KCND2: variants seen among roughly 807,000 people sequenced by gnomAD.
KCND2 encodes A-type voltage-gated potassium channel KCND2.
A neutral mutation model predicts 54.4 loss-of-function variants in KCND2; 16 were observed. That is an observed-to-expected ratio of 0.29 (90% CI 0.20 to 0.45). The LOEUF (loss-of-function observed/expected upper bound fraction) is 0.45. Ranked by LOEUF, KCND2 falls within the 20% of genes least tolerant of loss-of-function variation. KCND2 has a pLI of 1.00. For missense variants in KCND2, 486 were observed against 824.2 expected, an observed-to-expected ratio of 0.59 and a Z score of 5.02; for synonymous variants, 317 against 310.7, an observed-to-expected ratio of 1.02 and a Z score of -0.21.
At chr7:120,642,637 AG>A (rs1793392578) in intron 1 of KCND2, among the ~76,000 whole-genome samples, 1 of 151,546 alleles carries the variant, frequency 6.6e-6, no homozygotes, top group African/African-American at 2.4e-5. Context: ...GATAGTTTAA[AG>A]GGTTTTTTTT....
chr7:120,691,422 T>C (rs1157260112), intron 1 of KCND2, among the ~76,000 whole-genome samples: 1 of 152,118 alleles, frequency 6.6e-6, no homozygotes, highest in Non-Finnish European at 1.5e-5. Context: ...AGTAAATATA[T>C]TTCAGATATT....
At chr7:120,532,712 T>C (rs185095366) in intron 1 of KCND2, among the ~76,000 whole-genome samples, 1 of 151,500 alleles carries the variant, frequency 6.6e-6, no homozygotes, top group Non-Finnish European at 1.5e-5. Context: ...CAAGAAGAAA[T>C]CAATCAGTTA....
intron 1 of KCND2, among the ~76,000 whole-genome samples, chr7:120,722,137 AAACAGACT>A (rs1792674487): frequency 6.6e-6 from 1 of 152,154 alleles, no homozygotes; most frequent in East Asian, 1.9e-4. Flanking sequence ...AGCAGCATAA[AAACAGACT>A]AATATACAAG....
At chr7:120,646,737 A>T (rs1333978958) in intron 1 of KCND2, among the ~76,000 whole-genome samples, 1 of 152,246 alleles carries the variant, frequency 6.6e-6, no homozygotes, top group Non-Finnish European at 1.5e-5. Flanking sequence ...AAAATAATGA[A>T]ATAGTTTTGT....
chr7:120,682,960 A>T (rs1792158590), intron 1 of KCND2, among the ~76,000 whole-genome samples: 1 of 152,140 alleles, frequency 6.6e-6, no homozygotes, highest in South Asian at 2.1e-4. Flanking sequence ...CAACTTGCAA[A>T]GAATAAAGGT....
At chr7:120,597,178 T>C (rs938265948) in intron 1 of KCND2, among the ~76,000 whole-genome samples, 1 of 152,072 alleles carries the variant, frequency 6.6e-6, no homozygotes, top group Admixed American at 6.6e-5. Flanking sequence ...CCTGGTGGAA[T>C]TGGAAATGAA....
intron 1 of KCND2, among the ~76,000 whole-genome samples, chr7:120,289,956 A>G (rs1799409839): frequency 6.6e-6 from 1 of 151,938 alleles, no homozygotes; most frequent in African/African-American, 2.4e-5. Flanking sequence ...GTTTTTGCTT[A>G]TTTGTAGTAT....
intron 1 of KCND2, among the ~76,000 whole-genome samples, chr7:120,558,578 A>G (rs1299756375): frequency 6.6e-6 from 1 of 152,118 alleles, no homozygotes; most frequent in Non-Finnish European, 1.5e-5. Context: ...TGAACAACTA[A>G]TTAGCCACAA....
chr7:120,567,513 G>A (rs1397957645), intron 1 of KCND2, among the ~76,000 whole-genome samples: 1 of 152,090 alleles, frequency 6.6e-6, no homozygotes, highest in African/African-American at 2.4e-5. Context: ...ATTTCAAAGG[G>A]CAATGTGGTA....
chr7:120,358,127 A>G (rs2116395887), intron 1 of KCND2, among the ~76,000 whole-genome samples: 1 of 152,270 alleles, frequency 6.6e-6, no homozygotes, highest in South Asian at 2.1e-4. Flanking sequence ...GTGTGAAAAA[A>G]CTGACACAGA....
intron 1 of KCND2, among the ~76,000 whole-genome samples, chr7:120,641,632 G>A (rs1350565774): frequency 1.3e-5 from 2 of 152,058 alleles, no homozygotes; most frequent in Non-Finnish European, 2.9e-5. Flanking sequence ...TAATATCCAT[G>A]CAATGACATG....
At chr7:120,701,625 A>G (rs1461123227) in intron 1 of KCND2, among the ~76,000 whole-genome samples, 1 of 152,156 alleles carries the variant, frequency 6.6e-6, no homozygotes, top group Non-Finnish European at 1.5e-5. Flanking sequence ...ATGAAACAGA[A>G]TGGAGAGCCC....
In KCND2 at chr7:120,274,563, T is replaced by A; in HGVS notation, c.-70T>A. 1.3e-6 allele frequency: 2 copies of A among 1,584,484 alleles called. No homozygotes were observed. The highest frequency in any genetic ancestry group is 1.7e-6 in the Non-Finnish European group (2 of 1,153,768). The stretch of plus-strand genomic sequence containing the variant: ...ACTTTGCTTGACTGGAGGAAGTGGG[T>A]GACTTTTGGCTGCTTCGGTGACCCA... On this transcript the variant is annotated 5_prime_UTR_variant, in exon 1 of 6. Transcript: ENST00000331113.
chr7:120,535,261 G>A (rs944986741), intron 1 of KCND2, among the ~76,000 whole-genome samples: 12 of 151,986 alleles, frequency 7.9e-5, no homozygotes, highest in Non-Finnish European at 1.5e-4. Flanking sequence ...GCTTCAGAAC[G>A]TAAGTTTATT....
intron 1 of KCND2, among the ~76,000 whole-genome samples, chr7:120,347,169 G>A (rs1464499085): frequency 6.6e-6 from 1 of 152,024 alleles, no homozygotes; most frequent in Non-Finnish European, 1.5e-5. Flanking sequence ...TTACTTTTGT[G>A]ATCTGTATGG....
chr7:120,281,731 A>G (rs528933043), intron 1 of KCND2, among the ~76,000 whole-genome samples: 2 of 152,278 alleles, frequency 1.3e-5, no homozygotes, highest in African/African-American at 4.8e-5. Flanking sequence ...CGGTGCTCAA[A>G]TGTAGGAAAA....
At chr7:120,681,040 G>T (rs888855823) in intron 1 of KCND2, among the ~76,000 whole-genome samples, 9 of 152,000 alleles carry the variant, frequency 5.9e-5, no homozygotes, top group African/African-American at 2.2e-4. Context: ...TCACATCCAA[G>T]AACTGTTTTC....
At chr7:120,628,935 A>G (rs992944937) in intron 1 of KCND2, among the ~76,000 whole-genome samples, 8 of 152,362 alleles carry the variant, frequency 5.3e-5, no homozygotes, top group Admixed American at 4.6e-4. Flanking sequence ...AGGCAAGGTT[A>G]GAGAACTCGG....
At chr7:120,601,170 G>T (rs1451792998) in intron 1 of KCND2, among the ~76,000 whole-genome samples, 1 of 152,094 alleles carries the variant, frequency 6.6e-6, no homozygotes. Context: ...TTCCAGAGGG[G>T]TGATTAGATA....
Sources: allele counts gnomAD v4.1 joint callset (sites outside exome capture counted in the v4.1 genomes callset), GRCh38; gene constraint gnomAD v4.1.1; transcripts MANE v1.5; gene names NCBI Gene and HGNC (gene_info 2026-07-23, HGNC 2026-07-21).